The following ZNF215 variants were observed in gnomAD, a reference collection of about 807,000 sequenced individuals.
ZNF215 encodes zinc finger protein 215.
ZNF215 carries 24 observed loss-of-function variants against 27.2 expected under a neutral mutation model. The observed-to-expected ratio is 0.88, with a 90% CI of 0.64 to 1.24. ZNF215 has a LOEUF of 1.24. Ranked by LOEUF, ZNF215 falls within the 50% of genes most tolerant of loss-of-function variation. ZNF215 has a pLI of 0.00. For missense variants in ZNF215, 675 were observed against 605.7 expected (o/e 1.11, Z -1.20); for synonymous variants, 210 against 204.0 (o/e 1.03, Z -0.25).
At chr11:6,951,618 C>G (rs1279522119) in intron 6 of ZNF215, among the ~76,000 whole-genome samples, 1 of 152,090 alleles carries the variant, frequency 6.6e-6, no homozygotes, top group Non-Finnish European at 1.5e-5. Context: ...TCAGAGTCTT[C>G]TCTGTTTTCT....
intron 6 of ZNF215, among the ~76,000 whole-genome samples, chr11:6,950,509 T>G (rs1299849105): frequency 6.6e-6 from 1 of 152,082 alleles, no homozygotes; most frequent in African/African-American, 2.4e-5. Flanking sequence ...GAATGGGAGT[T>G]CACTCATGAT....
At chr11:6,967,810 ATT>A (rs1405618212) in intron 5 of ZNF215, among the ~76,000 whole-genome samples, 3 of 152,038 alleles carry the variant, frequency 2.0e-5, no homozygotes, top group Non-Finnish European at 2.9e-5. Flanking sequence ...CAATTTGTCT[ATT>A]TTGGCTTTTG....
intron 6 of ZNF215, 72 bp downstream of exon 6, chr11:6,943,713 C>T (rs1203188179): frequency 6.8e-6 from 8 of 1,184,346 alleles, no homozygotes. Flanking sequence ...ATGTGCAACC[C>T]AATCTTTGAA....
chr11:6,954,434 G>A (rs1251394797), intron 6 of ZNF215, among the ~76,000 whole-genome samples: 2 of 152,236 alleles, frequency 1.3e-5, no homozygotes, highest in Non-Finnish European at 2.9e-5. Flanking sequence ...AGCAAGCCTG[G>A]GCAATGGCGG....
At position 6,931,411 on chromosome 11, in the gene ZNF215, C is replaced by A. The variant is rs377234722; in HGVS notation, c.-179-683C>A. ...ACACTGAAGAAAAGTGCATATTATTCTTCTGCTAGCAAGTTGTTTTTTGCC... is the reference window on the plus strand; with the variant it reads ...ACACTGAAGAAAAGTGCATATTATTATTCTGCTAGCAAGTTGTTTTTTGCC... On this transcript the variant is annotated intron_variant, in intron 2 of 6. Transcript: ENST00000278319. 3.9e-5 allele frequency among the ~76,000 whole-genome samples: 6 copies of A among 152,296 alleles called. No homozygotes were observed. The East Asian group carries it at 5.8e-4, about 15-fold the overall frequency.
intron 6 of ZNF215, among the ~76,000 whole-genome samples, chr11:6,951,806 G>C (rs1391299172): frequency 6.6e-6 from 1 of 152,026 alleles, no homozygotes; most frequent in African/African-American, 2.4e-5. Context: ...TGCTTTTCTA[G>C]TTCTTTTAAT....
intron 2 of ZNF215, among the ~76,000 whole-genome samples, chr11:6,929,144 G>A (rs1009349555): frequency 2.0e-5 from 3 of 152,166 alleles, no homozygotes; most frequent in South Asian, 2.1e-4. Flanking sequence ...CAACCTAGAT[G>A]GGATCTTTCA....
At chr11:6,987,480 A>G (rs919580022), downstream of ZNF215, among the ~76,000 whole-genome samples, 11 of 152,234 alleles carry the variant, frequency 7.2e-5, no homozygotes, top group Admixed American at 1.3e-4. Context: ...ATCATGTAAC[A>G]TACATTTGTA....
chr11:6,937,095 A>G (rs1326380601), intron 3 of ZNF215, among the ~76,000 whole-genome samples: 1 of 152,024 alleles, frequency 6.6e-6, no homozygotes, highest in Non-Finnish European at 1.5e-5. Context: ...TTAGGCAAGA[A>G]AAAAAGAAAA....
At chr11:6,992,914 A>G (rs1851131571), downstream of ZNF215, among the ~76,000 whole-genome samples, 1 of 152,148 alleles carries the variant, frequency 6.6e-6, no homozygotes, top group Non-Finnish European at 1.5e-5. Context: ...CAGTCATAAC[A>G]TGTTTTTGGC....
downstream of ZNF215, among the ~76,000 whole-genome samples, chr11:6,986,030 T>G (rs1851049831): frequency 6.6e-6 from 1 of 152,060 alleles, no homozygotes; most frequent in African/African-American, 2.4e-5. Flanking sequence ...AAAACTATTC[T>G]GAAATTAATG....
intron 6 of ZNF215, among the ~76,000 whole-genome samples, chr11:6,954,866 C>G (rs548898846): frequency 1.3e-5 from 2 of 152,146 alleles, no homozygotes; most frequent in Non-Finnish European, 2.9e-5. Context: ...TGTTCCTATT[C>G]GGCCATCTTG....
Position 6,943,461 on chromosome 11 carries a change from G to A in ZNF215, c.617-85G>A, listed in dbSNP as rs545422864. On this transcript the variant is annotated intron_variant, in intron 5 of 6. Transcript: ENST00000278319. ...CTTCAGCAGCTTGGATTACTGTGTC[G>A]GGATAGAATTATCTTCTCTATAAAA... The A allele has an allele frequency of 1.0e-3, 1,361 of 1,312,872 alleles. 2 individuals are homozygous for A. The highest frequency in any genetic ancestry group is 1.4e-3 in the Non-Finnish European group (1,300 of 927,982). 81.3% of individuals were successfully genotyped at this position (1,312,872 alleles called of 1,614,324 possible).
intron 5 of ZNF215, among the ~76,000 whole-genome samples, chr11:6,977,193 T>C (rs1424700351): frequency 2.0e-5 from 3 of 152,022 alleles, no homozygotes; most frequent in Non-Finnish European, 4.4e-5. Flanking sequence ...CCAACCACAG[T>C]CTGAAAATAT....
At chr11:6,949,198 T>G (rs1307250952) in intron 6 of ZNF215, among the ~76,000 whole-genome samples, 3 of 151,956 alleles carry the variant, frequency 2.0e-5, no homozygotes, top group East Asian at 1.9e-4. Flanking sequence ...GAATAGTGCC[T>G]CAATAAACAT....
At chr11:6,943,286 C>G in intron 5 of ZNF215, 71 bp downstream of exon 5, 1 of 1,534,570 alleles carries the variant, frequency 6.5e-7, no homozygotes, top group Middle Eastern at 1.8e-4. Flanking sequence ...TATAGGACTG[C>G]TGAAGTGGCT....
Position 6,943,225 on chromosome 11 carries a change from A to G in ZNF215, c.616+10A>G, listed in dbSNP as rs753993636. 9.3e-6 allele frequency: 15 copies of G among 1,607,502 alleles called. No homozygotes were observed. Among genetic ancestry groups the G allele is most frequent in the East Asian group, 4.5e-5 (2 of 44,830 alleles). ...AATTCATTGCGTAAAGGTGGTTTCT[A>G]TATGTTTACCTAATCTGTCCATTTA... On this transcript the variant is annotated intron_variant, in intron 5 of 6. Transcript: ENST00000278319.
intron 5 of ZNF215, among the ~76,000 whole-genome samples, chr11:6,965,429 C>G (rs1377699888): frequency 2.0e-5 from 3 of 151,552 alleles, no homozygotes; most frequent in Non-Finnish European, 1.5e-5. Context: ...AATGTGTTCA[C>G]TCTATTCAAA....
intron 5 of ZNF215, among the ~76,000 whole-genome samples, chr11:6,974,307 A>G (rs1031552607): frequency 7.2e-5 from 11 of 152,096 alleles, no homozygotes; most frequent in African/African-American, 2.7e-4. Context: ...GCCTTGTAGT[A>G]TAGTTTGAAG....
Sources: allele counts gnomAD v4.1 joint callset (sites outside exome capture counted in the v4.1 genomes callset), GRCh38; gene constraint gnomAD v4.1.1; transcripts MANE v1.5; gene names NCBI Gene and HGNC (gene_info 2026-07-23, HGNC 2026-07-21).